Variants in CMSS1 observed in about 807,000 individuals in gnomAD.
CMSS1 encodes cms1 ribosomal small subunit homolog.
Under a neutral mutation model 43.5 loss-of-function variants are expected in CMSS1, and 33 were observed. The ratio of observed to expected loss-of-function variants is 0.76; its 90% CI spans 0.57 to 1.01. The LOEUF (loss-of-function observed/expected upper bound fraction) is 1.01. Among genes scored for constraint, CMSS1 ranks in the 50% least tolerant of loss-of-function variants. The probability of loss-of-function intolerance (pLI) is 0.00; values close to 1 mark genes in which losing one functional copy is unlikely to be tolerated. For synonymous variants in CMSS1, 115 were observed against 117.2 expected (o/e 0.98, Z 0.12); for missense variants, 313 against 326.4 (o/e 0.96, Z 0.32).
chr3:99,988,793 T>C (rs1053825311), intron 1 of CMSS1, among the ~76,000 whole-genome samples: 3 of 152,236 alleles, frequency 2.0e-5, no homozygotes, highest in Admixed American at 6.5e-5. Flanking sequence ...ACTTCCACCA[T>C]TGACCCATTG....
intron 1 of CMSS1, among the ~76,000 whole-genome samples, chr3:99,821,666 C>T (rs1871847): frequency 0.13 from 20,201 of 152,090 alleles, 2,035 homozygotes; most frequent in African/African-American, 0.28. Context: ...TGTAGTTGAC[C>T]GGTCTGGGTA....
intron 1 of CMSS1, chr3:99,833,335 C>T: frequency 7.6e-7 from 1 of 1,309,132 alleles, no homozygotes; most frequent in Non-Finnish European, 1.1e-6. Context: ...TTTGTTTTAT[C>T]CATAGATTCT....
At chr3:100,115,074 C>G in intron 1 of CMSS1, 1 of 1,031,916 alleles carries the variant, frequency 9.7e-7, no homozygotes, top group Non-Finnish European at 1.4e-6. Flanking sequence ...CTTAGGATTG[C>G]TAAAATTTGA....
rs143556398 is a variant in CMSS1, at chr3:100,079,562, A to T, written c.65-67411A>T. ...CAAAAAAGTAGATTTTTTATTTTTG[A>T]ATAGATACAGTCAGTGTCACTTTTG... On this transcript the variant is annotated intron_variant, in intron 1 of 9. Coordinates refer to ENST00000421999, the MANE Select transcript of CMSS1 (RefSeq NM_032359.4). 1.6e-3 allele frequency among the ~76,000 whole-genome samples: 242 copies of T among 152,350 alleles called. 1 individual carries two copies. The highest frequency in any genetic ancestry group is 2.5e-3 in the Non-Finnish European group (172 of 68,026).
At chr3:100,022,423 A>G (rs567678695) in intron 1 of CMSS1, among the ~76,000 whole-genome samples, 1 of 152,196 alleles carries the variant, frequency 6.6e-6, no homozygotes, top group African/African-American at 2.4e-5. Context: ...TACAGTATTC[A>G]TTCCATTTCT....
intron 1 of CMSS1, among the ~76,000 whole-genome samples, chr3:100,063,944 C>T (rs2065616644): frequency 6.6e-6 from 1 of 152,206 alleles, no homozygotes; most frequent in Non-Finnish European, 1.5e-5. Context: ...GTCAGGAGTA[C>T]ATACCGTCAG....
rs369659062 is a variant in CMSS1 at position 100,171,915 on chromosome 3, T to C, written c.579+16T>C. ...GCACATAAAGGTAAGCAAGGGCCTG[T>C]GTGATCCCTAAAGGCCTCTCCCAGA... On this transcript the variant is annotated intron_variant, in intron 7 of 9. Coordinates refer to ENST00000421999, the MANE Select transcript of CMSS1 (RefSeq NM_032359.4). The C allele has an allele frequency of 3.7e-6, 6 of 1,607,900 alleles. No homozygotes were observed. The highest frequency in any genetic ancestry group is 3.3e-5 in the South Asian group (3 of 90,952).
chr3:99,926,606 A>T (rs1327833069), intron 1 of CMSS1, among the ~76,000 whole-genome samples: 1 of 152,246 alleles, frequency 6.6e-6, no homozygotes, highest in African/African-American at 2.4e-5. Flanking sequence ...TTGTCACAAG[A>T]TTGACATTAG....
At chr3:100,044,717 A>G (rs1234570383) in intron 1 of CMSS1, among the ~76,000 whole-genome samples, 3 of 152,222 alleles carry the variant, frequency 2.0e-5, no homozygotes, top group Non-Finnish European at 4.4e-5. Flanking sequence ...CTTGATTTGT[A>G]TTTAAATCAC....
chr3:100,181,393 A>T lies in CMSS1; in HGVS notation c.*3005A>T, dbSNP rs1208552969. On this transcript the variant is annotated 3_prime_UTR_variant, in exon 10 of 10. Transcript: ENST00000421999. ...CCTTCCCTGAGCTTTCCCTGTGTTA[A>T]ATTCTTGTATAACCATAATAGAGTT... 6.6e-6 allele frequency: 1 copy of T among 152,228 alleles called. No homozygotes were observed. Among genetic ancestry groups the T allele is most frequent in the African/African-American group, 2.4e-5 (1 of 41,464 alleles). 9.4% of individuals were successfully genotyped at this position (152,228 alleles called of 1,614,324 possible). A position where few individuals can be genotyped will look rare whatever the true frequency, so the allele number is the denominator to read the frequency against.
rs535800502 is a variant in CMSS1, at chr3:100,156,309, T to C, written c.154-4121T>C. ...TAGCTAATTTTTTTTCTTTTTTTTTTTTTTTTTTTTTTTTTTTGAGGCAGA... is the reference window on the plus strand; with the variant it reads ...TAGCTAATTTTTTTTCTTTTTTTTTCTTTTTTTTTTTTTTTTTGAGGCAGA... On this transcript the variant is annotated intron_variant, in intron 2 of 9. Coordinates refer to ENST00000421999, the MANE Select transcript of CMSS1 (RefSeq NM_032359.4). 2.0e-4 allele frequency among the ~76,000 whole-genome samples: 27 copies of C among 134,620 alleles called. No individual in the cohort carries two copies. The South Asian group carries it at 6.3e-3, about 32-fold the overall frequency. The allele number at this position is 134,620 out of a possible 152,430, so 88.3% of individuals were successfully genotyped here. A position where few individuals can be genotyped will look rare whatever the true frequency, so the allele number is the denominator to read the frequency against.
At chr3:100,109,915 C>G (rs1408695584) in intron 1 of CMSS1, 2 of 103,746 alleles carry the variant, frequency 1.9e-5, no homozygotes, top group African/African-American at 4.0e-5. Flanking sequence ...CCCCCCCCCC[C>G]AGCACCACCC....
At chr3:100,153,255 A>C (rs1233863504) in intron 2 of CMSS1, among the ~76,000 whole-genome samples, 1 of 152,254 alleles carries the variant, frequency 6.6e-6, no homozygotes, top group Non-Finnish European at 1.5e-5. Context: ...TTTCTAAAAA[A>C]TTAATTTTGC....
At chr3:99,937,080 G>A (rs1707701712) in intron 1 of CMSS1, among the ~76,000 whole-genome samples, 1 of 152,092 alleles carries the variant, frequency 6.6e-6, no homozygotes, top group Non-Finnish European at 1.5e-5. Flanking sequence ...TGGGATTACA[G>A]GCGCCTGCCA....
chr3:100,065,115 G>A (rs1490129182), intron 1 of CMSS1, among the ~76,000 whole-genome samples: 3 of 152,162 alleles, frequency 2.0e-5, no homozygotes, highest in Non-Finnish European at 4.4e-5. Context: ...AGTATGGAAT[G>A]TATATATAAT....
intron 1 of CMSS1, chr3:99,876,299 G>T (rs1705517237): frequency 3.9e-6 from 3 of 772,576 alleles, no homozygotes; most frequent in Non-Finnish European, 4.7e-6. Context: ...CCGCGGCGGC[G>T]GCGCAGCCAC....
Position 99,890,304 on chromosome 3 carries a change from C to A in CMSS1, c.64+72261C>A, listed in dbSNP as rs1706042344. 2.0e-5 allele frequency among the ~76,000 whole-genome samples: 3 copies of A among 152,024 alleles called. No individual in the cohort carries two copies. In the South Asian group the frequency reaches 6.2e-4, roughly 31 times the overall value. On this transcript the variant is annotated intron_variant, in intron 1 of 9. Coordinates refer to ENST00000421999, the MANE Select transcript of CMSS1 (RefSeq NM_032359.4). ...TCTTCCCTTTGTCTTTGATATTATA[C>A]TATTTCATTTGTATGTACTTAAATG...
chr3:100,141,481 C>T (rs2066804089), intron 1 of CMSS1: 1 of 445,870 alleles, frequency 2.2e-6, no homozygotes, highest in African/African-American at 2.0e-5. Context: ...TCTTAACGTA[C>T]TCTTTTGCAC....
At chr3:99,862,273 G>A (rs1452746238) in intron 1 of CMSS1, among the ~76,000 whole-genome samples, 1 of 152,080 alleles carries the variant, frequency 6.6e-6, no homozygotes, top group East Asian at 1.9e-4. Flanking sequence ...AAAAAAAGTA[G>A]GACAGTGAGA....
Sources: allele counts gnomAD v4.1 joint callset (sites outside exome capture counted in the v4.1 genomes callset), GRCh38; gene constraint gnomAD v4.1.1; transcripts MANE v1.5; gene names NCBI Gene and HGNC (gene_info 2026-07-23, HGNC 2026-07-21).